ELOVL3: variants seen among roughly 807,000 people sequenced by gnomAD.
ELOVL3 encodes very long chain fatty acid elongase 3.
In ELOVL3, 11 loss-of-function variants were observed where a neutral mutation model predicts 14.9. The ratio of observed to expected loss-of-function variants is 0.74; its 90% confidence interval spans 0.46 to 1.22. The LOEUF is 1.22. Ranked by LOEUF, ELOVL3 falls within the 50% of genes most tolerant of loss-of-function variation. The pLI, the probability that ELOVL3 is intolerant of heterozygous loss-of-function variation, is 0.00. For synonymous variants in ELOVL3, 117 were observed against 124.7 expected (o/e 0.94, Z 0.41); for missense variants, 277 against 338.9 (o/e 0.82, Z 1.43).
At chr10:102,227,448 G>A (rs568467261) in intron 1 of ELOVL3, among the ~76,000 whole-genome samples, 178 bp from the exon 2 acceptor site, 3 of 152,176 alleles carry the variant, frequency 2.0e-5, no homozygotes, top group East Asian at 1.9e-4. Flanking sequence ...TGTAGTATTC[G>A]CGCTCTACAA....
chr10:102,227,061 C>T lies in ELOVL3; in HGVS notation c.101+412C>T, dbSNP rs143355784. Among the ~76,000 whole-genome samples the T allele has an allele frequency of 1.5e-4, 23 of 152,128 alleles. No homozygotes were observed. The East Asian group carries it at 4.1e-3, about 27-fold the overall frequency. The stretch of plus-strand genomic sequence containing the variant: ...ATCGTTCCCCAGGTGCTCCACCGTT[C>T]CTGCTGTGGAGAAGGAGGCGAAGTC... On this transcript the variant is annotated intron_variant, in intron 1 of 3. Coordinates refer to ENST00000370005, the MANE Select transcript of ELOVL3 (RefSeq NM_152310.3).
At position 102,226,546 on chromosome 10, in the gene ELOVL3, T is replaced by G; in HGVS notation, c.-3T>G. ...CTTTGGACCTTGACTTCTGCAAAAC[T>G]AGATGGTCACAGCCATGAATGTCTC... is the stretch of plus-strand genomic sequence containing the variant. On this transcript the variant is annotated 5_prime_UTR_variant, in exon 1 of 4. Transcript: ENST00000370005. 1 of 1,612,568 alleles carries G rather than the reference T, an allele frequency of 6.2e-7. No individual in the cohort carries two copies. Among genetic ancestry groups the G allele is most frequent in the Non-Finnish European group, 8.5e-7 (1 of 1,178,826 alleles).
chr10:102,227,921 C>T (rs2070152168), intron 2 of ELOVL3, among the ~76,000 whole-genome samples, 164 bp downstream of exon 2: 1 of 152,094 alleles, frequency 6.6e-6, no homozygotes, highest in African/African-American at 2.4e-5. Flanking sequence ...CCTTCACCCT[C>T]TTCTGTTATA....
chr10:102,226,473 G>A lies in ELOVL3; in HGVS notation c.-76G>A, dbSNP rs183435334. The A allele has an allele frequency of 2.9e-6, 3 of 1,050,808 alleles. No individual in the cohort carries two copies. The highest frequency in any genetic ancestry group is 4.4e-6 in the Non-Finnish European group (3 of 677,652). The allele number at this position is 1,050,808 out of a possible 1,614,324, so 65.1% of individuals were successfully genotyped here. On this transcript the variant is annotated 5_prime_UTR_variant, in exon 1 of 4. Coordinates refer to ENST00000370005, the MANE Select transcript of ELOVL3 (RefSeq NM_152310.3). ...CCGGCTCTGTTCCGTCTCGCCCCGA[G>A]GTTCACGCCATCCTCGGAGCCCCAG...
chr10:102,226,708 G>T (rs1407725260), intron 1 of ELOVL3, 59 bp downstream of exon 1: 5 of 1,257,692 alleles, frequency 4.0e-6, no homozygotes, highest in East Asian at 2.3e-5. Flanking sequence ...GCGCGAGGGG[G>T]TGGCATTGAA....
At position 102,226,661 on chromosome 10, in the gene ELOVL3, G is replaced by T; in HGVS notation, c.101+12G>T. On this transcript the variant is annotated intron_variant, in intron 1 of 3. Coordinates refer to ENST00000370005, the MANE Select transcript of ELOVL3 (RefSeq NM_152310.3). Reference sequence around the variant, plus strand: ...TTCGAGGAGTATTGGTGAGACTTTGGGAGAGGGAAAGGCCATGCCAGGGCC... The same window carrying T: ...TTCGAGGAGTATTGGTGAGACTTTGTGAGAGGGAAAGGCCATGCCAGGGCC... The T allele has an allele frequency of 6.2e-7, 1 of 1,608,966 alleles. No individual in the cohort carries two copies. The highest frequency in any genetic ancestry group is 8.5e-7 in the Non-Finnish European group (1 of 1,175,590).
upstream of ELOVL3, among the ~76,000 whole-genome samples, chr10:102,225,264 C>T (rs1421751691): frequency 1.3e-5 from 2 of 152,206 alleles, no homozygotes; most frequent in East Asian, 1.9e-4. Flanking sequence ...ACTGATAGGA[C>T]TTCCACTACA....
intron 2 of ELOVL3, 130 bp from the exon 3 acceptor site, chr10:102,228,287 G>T: frequency 1.1e-6 from 1 of 919,538 alleles, no homozygotes; most frequent in South Asian, 1.7e-5. Context: ...CAGGAGCTTT[G>T]ACCCACCCCC....
At chr10:102,228,353 G>A in intron 2 of ELOVL3, 64 bp from the exon 3 acceptor site, 1 of 1,567,774 alleles carries the variant, frequency 6.4e-7, no homozygotes, top group Non-Finnish European at 8.7e-7. Flanking sequence ...GCCAAGCCGG[G>A]GGAAGGGTGG....
intron 2 of ELOVL3, among the ~76,000 whole-genome samples, 172 bp from the exon 3 acceptor site, chr10:102,228,245 T>A (rs2070155442): frequency 2.0e-5 from 3 of 152,170 alleles, no homozygotes; most frequent in African/African-American, 7.2e-5. Context: ...TCTAGACTAC[T>A]GATTGGATCT....
At chr10:102,225,255 C>G (rs1255060056), upstream of ELOVL3, among the ~76,000 whole-genome samples, 3 of 152,190 alleles carry the variant, frequency 2.0e-5, no homozygotes, top group Non-Finnish European at 4.4e-5. Flanking sequence ...TTAGATGGCA[C>G]TGATAGGACT....
In ELOVL3 at chr10:102,227,733, G is replaced by A; in HGVS notation, c.209G>A (p.Trp70Ter). 1 of 1,613,714 alleles carries A rather than the reference G, an allele frequency of 6.2e-7. No homozygotes were observed. Among genetic ancestry groups the A allele is most frequent in the Non-Finnish European group, 8.5e-7 (1 of 1,179,874 alleles). Reference protein sequence around the residue: ...GFNLQGPLILWSFCLAIFSIL... With the variant: ...GFNLQGPLIL The stretch of plus-strand genomic sequence containing the variant: ...AACCTGCAAGGGCCTCTCATCCTCT[G>A]GTCCTTCTGCCTTGCAATCTTCAGG... The change falls in exon 2 of 4, where the codon TGG becomes TAG. Residue 70 changes from tryptophan to a stop codon, truncating the protein, a stop_gained. Coordinates refer to ENST00000370005, the MANE Select transcript of ELOVL3 (RefSeq NM_152310.3). LOFTEE classifies it high-confidence loss of function.
chr10:102,227,907 C>T lies in ELOVL3; in HGVS notation c.233+150C>T, dbSNP rs564698986. 1.5e-5 allele frequency: 13 copies of T among 851,752 alleles called. No individual in the cohort carries two copies. The Admixed American group carries it at 2.9e-4, about 19-fold the overall frequency. The allele number at this position is 851,752 out of a possible 1,614,324, so 52.8% of individuals were successfully genotyped here. A position where few individuals can be genotyped will look rare whatever the true frequency, so the allele number is the denominator to read the frequency against. On this transcript the variant is annotated intron_variant, in intron 2 of 3. Coordinates refer to ENST00000370005, the MANE Select transcript of ELOVL3 (RefSeq NM_152310.3). ...CTCATTCTCGGCTTTAGTTCCCCTC[C>T]CAGCCTTCACCCTCTTCTGTTATAT...
upstream of ELOVL3, among the ~76,000 whole-genome samples, chr10:102,226,031 T>C (rs2070132299): frequency 6.6e-6 from 1 of 152,028 alleles, no homozygotes; most frequent in Non-Finnish European, 1.5e-5. Flanking sequence ...CTCTCTTCAC[T>C]GCTAAGCAGG....
chr10:102,226,773 T>A, intron 1 of ELOVL3, 124 bp downstream of exon 1: 1 of 660,324 alleles, frequency 1.5e-6, no homozygotes, highest in Non-Finnish European at 2.6e-6. Context: ...TGTACTGGCT[T>A]CACACTACCT....
In ELOVL3 at chr10:102,226,465, CG is replaced by C; in HGVS notation, c.-83del. The C allele has an allele frequency of 1.0e-6, 1 of 954,194 alleles. No homozygotes were observed. The highest frequency in any genetic ancestry group is 1.4e-5 in the South Asian group (1 of 71,168). 59.1% of individuals were successfully genotyped at this position (954,194 alleles called of 1,614,324 possible). On this transcript the variant is annotated 5_prime_UTR_variant, in exon 1 of 4. It removes the in-frame stop codon of an upstream open reading frame in the 5' UTR. Transcript: ENST00000370005. Reference sequence around the variant, plus strand: ...CTTCTGTCCCGGCTCTGTTCCGTCTCGCCCCGAGGTTCACGCCATCCTCGGA... The same window carrying C: ...CTTCTGTCCCGGCTCTGTTCCGTCTCCCCCGAGGTTCACGCCATCCTCGGA...
rs149375895 is a variant in ELOVL3, at chr10:102,228,849, G to A, written c.410G>A (p.Arg137His). 8.8e-5 allele frequency: 142 copies of A among 1,612,952 alleles called. No individual in the cohort carries two copies. Among genetic ancestry groups the A allele is most frequent in the African/African-American group, 2.1e-4 (16 of 74,984 alleles). Residue 137 changes from arginine to histidine, a missense_variant, in exon 4 of 4, where the codon CGT (arginine) becomes CAT (histidine). By Grantham distance (29) the Arg-to-His change is conservative (BLOSUM62 0). Transcript: ENST00000370005. ...GGAGACACAGCCTTCATCATCCTGCGTAAGCGGCCACTCATCTTTATTCAC... is the reference window on the plus strand; with the variant it reads ...GGAGACACAGCCTTCATCATCCTGCATAAGCGGCCACTCATCTTTATTCAC... ...ELGDTAFIIL[R>H]KRPLIFIHWY...
intron 1 of ELOVL3, 50 bp downstream of exon 1, chr10:102,226,699 C>T: frequency 1.5e-6 from 2 of 1,370,750 alleles, no homozygotes; most frequent in Non-Finnish European, 2.1e-6. Flanking sequence ...GGGGCCGGGG[C>T]GCGAGGGGGT....
In ELOVL3 at chr10:102,226,610, A is replaced by G. The variant is rs2070138229; in HGVS notation, c.62A>G (p.Glu21Gly). 4 of 1,614,002 alleles carry G rather than the reference A, an allele frequency of 2.5e-6. No individual in the cohort carries two copies. The East Asian group carries it at 8.9e-5, about 36-fold the overall frequency. ...CAGCTGTTCCAGCCCTATAACTTCG[A>G]GCTGTCCAAGGACATGAGGCCCTTT... ...VNQLFQPYNF[E>G]LSKDMRPFFE... The change falls in exon 1 of 4, where the codon GAG becomes GGG. Residue 21 changes from glutamate to glycine, a missense_variant. Transcript: ENST00000370005.
Sources: allele counts gnomAD v4.1 joint callset (sites outside exome capture counted in the v4.1 genomes callset), GRCh38; gene constraint gnomAD v4.1.1; transcripts MANE v1.5; gene names NCBI Gene and HGNC (gene_info 2026-07-23, HGNC 2026-07-21).